TAFA1: variants seen among roughly 807,000 people sequenced by gnomAD.
TAFA1 encodes the protein TAFA chemokine like family member 1.
In TAFA1, 4 loss-of-function variants were observed where a neutral mutation model predicts 18.5. The observed-to-expected ratio is 0.22, with a 90% CI of 0.11 to 0.49. TAFA1 has a LOEUF of 0.49. Ranked by LOEUF, TAFA1 falls within the 20% of genes least tolerant of loss-of-function variation. TAFA1 has a pLI of 0.98. For missense variants in TAFA1, 147 were observed against 169.0 expected (o/e 0.87, Z 0.72); for synonymous variants, 56 against 55.2 (o/e 1.01, Z -0.06).
chr3:68,446,079 T>C (rs1437785375), intron 3 of TAFA1, among the ~76,000 whole-genome samples: 2 of 152,044 alleles, frequency 1.3e-5, no homozygotes, highest in Non-Finnish European at 2.9e-5. Context: ...TTTTTCTTTT[T>C]AATTTTTTGT....
chr3:68,091,824 A>G (rs946118188), intron 2 of TAFA1, among the ~76,000 whole-genome samples: 2 of 152,128 alleles, frequency 1.3e-5, no homozygotes, highest in Non-Finnish European at 2.9e-5. Flanking sequence ...CAAGAACTCT[A>G]ATCATTTAAG....
intron 3 of TAFA1, among the ~76,000 whole-genome samples, chr3:68,494,292 A>G (rs1445028637): frequency 1.3e-5 from 2 of 152,110 alleles, no homozygotes; most frequent in African/African-American, 4.8e-5. Flanking sequence ...TAGACCTGTC[A>G]CTTAAAACCT....
chr3:68,043,966 GA>G (rs1418695635), intron 2 of TAFA1, among the ~76,000 whole-genome samples: 1 of 151,950 alleles, frequency 6.6e-6, no homozygotes, highest in Non-Finnish European at 1.5e-5. Context: ...TTCTGACCTA[GA>G]ACCCCCTGCC....
chr3:68,206,456 A>G (rs2066527205), intron 2 of TAFA1, among the ~76,000 whole-genome samples: 1 of 151,940 alleles, frequency 6.6e-6, no homozygotes, highest in African/African-American at 2.4e-5. Context: ...TTTATAAAAA[A>G]TATAATAGTT....
intron 3 of TAFA1, among the ~76,000 whole-genome samples, chr3:68,528,667 CA>C (rs1374318326): frequency 2.0e-5 from 3 of 152,200 alleles, no homozygotes; most frequent in Non-Finnish European, 4.4e-5. Context: ...ACAGGTTGCA[CA>C]AAAGTAAGTC....
At chr3:68,026,083 A>G (rs1271158785) in intron 2 of TAFA1, among the ~76,000 whole-genome samples, 1 of 152,174 alleles carries the variant, frequency 6.6e-6, no homozygotes, top group Non-Finnish European at 1.5e-5. Context: ...GATAGAGACC[A>G]TTCCTTTTAT....
intron 2 of TAFA1, among the ~76,000 whole-genome samples, chr3:68,008,969 T>A (rs549247623): frequency 2.6e-5 from 4 of 152,296 alleles, no homozygotes; most frequent in African/African-American, 7.2e-5. Context: ...TAACTTCGAA[T>A]AAGTCTTTTG....
intron 2 of TAFA1, among the ~76,000 whole-genome samples, chr3:68,024,344 T>A (rs1389276015): frequency 1.3e-5 from 2 of 152,014 alleles, no homozygotes; most frequent in East Asian, 3.9e-4. Context: ...CAGGGGACAT[T>A]GCAATTTTAG....
Position 68,405,699 on chromosome 3 carries a change from CAAAAAAAAAAAAAAAAAAAAAA to C in TAFA1, c.119-11561_119-11540del, listed in dbSNP as rs56258198. On this transcript the variant is annotated intron_variant, in intron 2 of 4. Coordinates refer to ENST00000478136, the MANE Select transcript of TAFA1 (RefSeq NM_213609.4). ...TAGGCAATGGAGTGAGACTCTATCT[CAAAAAAAAAAAAAAAAAAAAAA>C]AAAAAAAAAAAAAAAAAAAGACTAG... Among the ~76,000 whole-genome samples, 127 of 32,892 alleles carry C rather than the reference CAAAAAAAAAAAAAAAAAAAAAA, an allele frequency of 3.9e-3. 2 individuals carry two copies. The highest frequency in any genetic ancestry group is 0.032 in the East Asian group (52 of 1,638). 21.6% of individuals were successfully genotyped at this position (32,892 alleles called of 152,430 possible).
chr3:68,184,461 A>ATG (rs1214503133), intron 2 of TAFA1, among the ~76,000 whole-genome samples: 2 of 152,050 alleles, frequency 1.3e-5, no homozygotes, highest in African/African-American at 2.4e-5. Context: ...CACTGTGTGC[A>ATG]TGTGTGTGTG....
intron 2 of TAFA1, among the ~76,000 whole-genome samples, chr3:68,191,936 A>G (rs1285346562): frequency 4.0e-5 from 6 of 151,798 alleles, no homozygotes; most frequent in Admixed American, 3.3e-4. Context: ...TGAATAAATT[A>G]TTCACTTTCT....
intron 2 of TAFA1, among the ~76,000 whole-genome samples, chr3:68,083,558 A>T (rs1203620455): frequency 3.3e-5 from 5 of 152,300 alleles, no homozygotes; most frequent in Admixed American, 3.3e-4. Context: ...AAGTGCATGG[A>T]TGTTTATGGT....
intron 2 of TAFA1, among the ~76,000 whole-genome samples, chr3:68,290,589 A>G (rs2068087614): frequency 1.3e-5 from 2 of 152,254 alleles, no homozygotes; most frequent in South Asian, 4.1e-4. Flanking sequence ...AAATATTCTG[A>G]ACCCCAGCTG....
intron 3 of TAFA1, among the ~76,000 whole-genome samples, chr3:68,476,280 C>A (rs1012695495): frequency 6.6e-6 from 1 of 152,160 alleles, no homozygotes; most frequent in African/African-American, 2.4e-5. Context: ...TTTTAAAGGT[C>A]CTGACCTTAA....
intron 2 of TAFA1, among the ~76,000 whole-genome samples, chr3:68,249,159 C>G (rs1187933314): frequency 6.6e-6 from 1 of 152,086 alleles, no homozygotes. Flanking sequence ...GTCATAAGCA[C>G]CAAAAGAAAC....
At chr3:68,161,554 AT>A (rs2065925106) in intron 2 of TAFA1, among the ~76,000 whole-genome samples, 1 of 152,162 alleles carries the variant, frequency 6.6e-6, no homozygotes, top group Admixed American at 6.5e-5. Flanking sequence ...ACCACCTTAC[AT>A]TTTTCCAAAA....
intron 2 of TAFA1, among the ~76,000 whole-genome samples, chr3:68,140,429 G>A (rs185017787): frequency 1.3e-5 from 2 of 152,262 alleles, no homozygotes; most frequent in African/African-American, 2.4e-5. Flanking sequence ...GGAATCATAC[G>A]TTTTCCTCCT....
At chr3:68,403,432 G>C (rs1023637876) in intron 2 of TAFA1, among the ~76,000 whole-genome samples, 20 of 152,316 alleles carry the variant, frequency 1.3e-4, no homozygotes, top group African/African-American at 4.8e-4. Context: ...GTTACTCAGG[G>C]ACTAGATCTT....
chr3:68,449,590 C>G (rs375198971), intron 3 of TAFA1, among the ~76,000 whole-genome samples: 77 of 152,030 alleles, frequency 5.1e-4, no homozygotes, highest in African/African-American at 1.7e-3. Flanking sequence ...AGAAGACTAC[C>G]CTCTCTCCAA....
Sources: gnomAD v4.1 joint callset for allele counts (sites outside exome capture counted in the v4.1 genomes callset) on GRCh38, gnomAD v4.1.1 for gene constraint, MANE v1.5 for transcripts, NCBI Gene and HGNC (gene_info 2026-07-23, HGNC 2026-07-21) for gene names.